CAMTA1: variants seen among roughly 807,000 people sequenced by gnomAD.
CAMTA1 encodes the protein calmodulin-binding transcription activator 1.
A neutral mutation model predicts 170.9 loss-of-function variants in CAMTA1; 27 were observed. The ratio of observed to expected loss-of-function variants is 0.16; its 90% CI spans 0.12 to 0.22. The LOEUF (loss-of-function observed/expected upper bound fraction) is 0.22. CAMTA1 is among the 10% of genes least tolerant of loss of function. The probability of loss-of-function intolerance (pLI) is 1.00; values close to 1 mark genes in which losing one functional copy is unlikely to be tolerated. For synonymous variants in CAMTA1, 833 were observed against 891.5 expected (o/e 0.93, Z 1.17); for missense variants, 1,619 against 2,217.2 (o/e 0.73, Z 5.42).
chr1:7,568,599 C>T (rs962597999), intron 6 of CAMTA1, among the ~76,000 whole-genome samples: 1 of 149,720 alleles, frequency 6.7e-6, no homozygotes, highest in African/African-American at 2.5e-5. Context: ...CCATCATCAT[C>T]ACCACATCAC....
At chr1:7,268,643 A>G (rs1669262419) in intron 5 of CAMTA1, among the ~76,000 whole-genome samples, 1 of 152,224 alleles carries the variant, frequency 6.6e-6, no homozygotes, top group South Asian at 2.1e-4. Flanking sequence ...AAACAAATCA[A>G]AATGAGCAAG....
chr1:6,985,722 G>C (rs935150558), intron 3 of CAMTA1, among the ~76,000 whole-genome samples: 9 of 152,240 alleles, frequency 5.9e-5, no homozygotes, highest in African/African-American at 2.2e-4. Flanking sequence ...ATTATTAGCA[G>C]TGCACGGGGA....
In CAMTA1 at chr1:7,767,887, G is replaced by A. The variant is rs1171747638; in HGVS notation, c.*1396G>A. On this transcript the variant is annotated 3_prime_UTR_variant, in exon 23 of 23. Transcript: ENST00000303635. Reference sequence around the variant, plus strand: ...ACTGTATTTAGACTTAGGAAAAAAGGCAGAGTAACATTACTTAAAAAAAAA... The same window carrying A: ...ACTGTATTTAGACTTAGGAAAAAAGACAGAGTAACATTACTTAAAAAAAAA... The A allele has an allele frequency of 6.8e-6, 1 of 147,280 alleles. No homozygotes were observed. The highest frequency in any genetic ancestry group is 1.5e-5 in the Non-Finnish European group (1 of 67,108). 9.1% of individuals were successfully genotyped at this position (147,280 alleles called of 1,614,324 possible). A position where few individuals can be genotyped will look rare whatever the true frequency, so the allele number is the denominator to read the frequency against.
chr1:7,691,726 G>A (rs745717994), intron 11 of CAMTA1, among the ~76,000 whole-genome samples: 35 of 152,296 alleles, frequency 2.3e-4, no homozygotes, highest in Non-Finnish European at 2.8e-4. Flanking sequence ...CCAGAGCTGA[G>A]AGAGCAAATA....
chr1:7,397,174 A>G (rs528105517), intron 5 of CAMTA1, among the ~76,000 whole-genome samples: 51 of 152,198 alleles, frequency 3.4e-4, no homozygotes, highest in Admixed American at 1.9e-3. Context: ...ATTACTCATT[A>G]TTCATTTGTT....
At chr1:6,899,142 T>A (rs923987586) in intron 3 of CAMTA1, among the ~76,000 whole-genome samples, 1 of 152,218 alleles carries the variant, frequency 6.6e-6, no homozygotes, top group African/African-American at 2.4e-5. Context: ...TCCCCATCTT[T>A]GATGCACTGT....
At chr1:7,292,160 TA>T (rs1184606535) in intron 5 of CAMTA1, among the ~76,000 whole-genome samples, 1 of 152,174 alleles carries the variant, frequency 6.6e-6, no homozygotes, top group Non-Finnish European at 1.5e-5. Context: ...ATTTTTAAAA[TA>T]AAATATATGG....
chr1:7,022,489 T>TA (rs1351322928), intron 3 of CAMTA1, among the ~76,000 whole-genome samples: 2 of 152,096 alleles, frequency 1.3e-5, no homozygotes, highest in African/African-American at 4.8e-5. Flanking sequence ...GCCTCTCTTT[T>TA]AAAAAAAGGC....
intron 6 of CAMTA1, among the ~76,000 whole-genome samples, chr1:7,529,361 G>A (rs574404815): frequency 1.3e-5 from 2 of 152,194 alleles, no homozygotes; most frequent in South Asian, 2.1e-4. Flanking sequence ...CTGTCCTCTC[G>A]GTGCATACCA....
intron 6 of CAMTA1, among the ~76,000 whole-genome samples, chr1:7,502,164 G>C (rs1405540661): frequency 6.6e-6 from 1 of 152,238 alleles, no homozygotes; most frequent in Admixed American, 6.5e-5. Context: ...AAGGCAGCTG[G>C]TTAGGGCTTA....
At chr1:7,728,149 G>A (rs2096705088) in intron 11 of CAMTA1, among the ~76,000 whole-genome samples, 1 of 152,214 alleles carries the variant, frequency 6.6e-6, no homozygotes, top group East Asian at 1.9e-4. Context: ...GAATGCAGCT[G>A]GGGAACAAAA....
At chr1:7,312,877 G>A (rs1329070290) in intron 5 of CAMTA1, among the ~76,000 whole-genome samples, 1 of 152,078 alleles carries the variant, frequency 6.6e-6, no homozygotes, top group Non-Finnish European at 1.5e-5. Flanking sequence ...TTTTAAAGAA[G>A]CACTTGTTCA....
At chr1:7,695,523 C>T (rs34268176) in intron 11 of CAMTA1, among the ~76,000 whole-genome samples, 15,035 of 152,182 alleles carry the variant, frequency 0.099, 1,010 homozygotes, top group Non-Finnish European at 0.15. Context: ...GTTTCTTGTT[C>T]CCACTCTGGA....
At chr1:7,693,682 C>G (rs925518265) in intron 11 of CAMTA1, 2 of 152,262 alleles carry the variant, frequency 1.3e-5, no homozygotes, top group African/African-American at 4.8e-5. Context: ...CCACTGTCCT[C>G]TTCCCCATGG....
intron 3 of CAMTA1, among the ~76,000 whole-genome samples, chr1:7,037,393 C>G (rs147660104): frequency 6.6e-6 from 1 of 152,100 alleles, no homozygotes; most frequent in Non-Finnish European, 1.5e-5. Flanking sequence ...TGAGGTGGCA[C>G]GTTGGCCTTT....
chr1:7,156,557 T>C (rs1040823125), intron 4 of CAMTA1, among the ~76,000 whole-genome samples: 1 of 152,218 alleles, frequency 6.6e-6, no homozygotes, highest in African/African-American at 2.4e-5. Context: ...CCTACCTTGT[T>C]TGCAAGAAGC....
chr1:7,085,568 T>C (rs371473425), intron 3 of CAMTA1, among the ~76,000 whole-genome samples: 28 of 152,176 alleles, frequency 1.8e-4, no homozygotes, highest in Non-Finnish European at 3.5e-4. Flanking sequence ...TTCCAGAAGC[T>C]GCAGTGCACT....
At chr1:7,176,960 A>G (rs1298721258) in intron 4 of CAMTA1, among the ~76,000 whole-genome samples, 1 of 152,016 alleles carries the variant, frequency 6.6e-6, no homozygotes, top group Non-Finnish European at 1.5e-5. Flanking sequence ...AAATGTGCCC[A>G]GGAAGAGGAG....
intron 4 of CAMTA1, among the ~76,000 whole-genome samples, chr1:7,170,526 C>T (rs1209210969): frequency 1.3e-5 from 2 of 152,100 alleles, no homozygotes; most frequent in Admixed American, 6.6e-5. Flanking sequence ...CATGTGTTCT[C>T]ATTGTTCAAC....
Sources: gnomAD v4.1 joint callset for allele counts (sites outside exome capture counted in the v4.1 genomes callset) on GRCh38, gnomAD v4.1.1 for gene constraint, MANE v1.5 for transcripts, NCBI Gene and HGNC (gene_info 2026-07-23, HGNC 2026-07-21) for gene names.